The following FBXL14 variants were observed in gnomAD, a reference collection of about 807,000 sequenced individuals.
FBXL14 encodes F-box/LRR-repeat protein 14.
Under a neutral mutation model 24.5 loss-of-function variants are expected in FBXL14, and 11 were observed. The ratio of observed to expected loss-of-function variants is 0.45; its 90% CI spans 0.28 to 0.74. The LOEUF (loss-of-function observed/expected upper bound fraction) is 0.74, where lower values mean the gene tolerates loss of function less well. Among genes scored for constraint, FBXL14 ranks in the 30% least tolerant of loss-of-function variants. FBXL14 has a pLI of 0.12. For synonymous variants in FBXL14, 294 were observed against 240.4 expected (o/e 1.22, Z -2.06); for missense variants, 384 against 545.6 (o/e 0.70, Z 2.95).
Position 1,566,568 on chromosome 12 carries a change from G to T in FBXL14, c.*180C>A. ...GCAAACCACTGTCCCCAGAACTGGAGAAACCGGCAGGAGAATGCAGCTTCA... is the reference window on the plus strand; with the variant it reads ...GCAAACCACTGTCCCCAGAACTGGATAAACCGGCAGGAGAATGCAGCTTCA... On this transcript the variant is annotated 3_prime_UTR_variant, in exon 2 of 2. Transcript: ENST00000339235. The T allele has an allele frequency of 1.7e-6, 1 of 575,882 alleles. No homozygotes were observed. The highest frequency in any genetic ancestry group is 3.1e-6 in the Non-Finnish European group (1 of 321,572). 35.7% of individuals were successfully genotyped at this position (575,882 alleles called of 1,614,324 possible).
At chr12:1,583,139 A>AT (rs1467944876) in intron 1 of FBXL14, among the ~76,000 whole-genome samples, 3 of 152,100 alleles carry the variant, frequency 2.0e-5, no homozygotes, top group African/African-American at 4.8e-5. Context: ...AAATTAAAAA[A>AT]AAGATACTCC....
At position 1,585,881 on chromosome 12, in the gene FBXL14, GTATTTATAGCAT is replaced by G. The variant is rs951886573; in HGVS notation, c.1194+6980_1194+6991del. ...ACTTTATAAAAGGATTGTGTGGCAG[GTATTTATAGCAT>G]GTGAAATATGTGTGAGTTCCTAGCT... On this transcript the variant is annotated intron_variant, in intron 1 of 1. Transcript: ENST00000339235. Among the ~76,000 whole-genome samples the G allele has an allele frequency of 4.8e-4, 73 of 152,294 alleles. 1 individual carries two copies. Among genetic ancestry groups the G allele is most frequent in the African/African-American group, 1.6e-3 (68 of 41,570 alleles).
At chr12:1,575,307 G>A (rs2094453701) in intron 1 of FBXL14, among the ~76,000 whole-genome samples, 1 of 152,190 alleles carries the variant, frequency 6.6e-6, no homozygotes, top group South Asian at 2.1e-4. Flanking sequence ...AAGTATTTGT[G>A]TCTGTCTAAA....
At position 1,566,669 on chromosome 12, in the gene FBXL14, C is replaced by T; in HGVS notation, c.*79G>A. Reference sequence around the variant, plus strand: ...CAGGCAGGGAAACCTGAGCTGTCATCACCAGAGTGCCGGAGGCGCAGAGCG... The same window carrying T: ...CAGGCAGGGAAACCTGAGCTGTCATTACCAGAGTGCCGGAGGCGCAGAGCG... On this transcript the variant is annotated 3_prime_UTR_variant, in exon 2 of 2. Transcript: ENST00000339235. 1 of 771,776 alleles carries T rather than the reference C, an allele frequency of 1.3e-6. No individual in the cohort carries two copies. Among genetic ancestry groups the T allele is most frequent in the Non-Finnish European group, 2.4e-6 (1 of 412,922 alleles). 47.8% of individuals were successfully genotyped at this position (771,776 alleles called of 1,614,324 possible).
At chr12:1,587,889 CT>C (rs1326689930) in intron 1 of FBXL14, among the ~76,000 whole-genome samples, 1 of 152,198 alleles carries the variant, frequency 6.6e-6, no homozygotes, top group Non-Finnish European at 1.5e-5. Context: ...AGCCTCACCC[CT>C]CTGACTCCTC....
chr12:1,594,494 C>A lies in FBXL14; in HGVS notation c.-428G>T, dbSNP rs993415843. On this transcript the variant is annotated 5_prime_UTR_variant, in exon 1 of 2. Transcript: ENST00000339235. ...CCGCCGCCGCTGCTCCGCGGGCCGG[C>A]GGGCGGCGAGGGGGCCCCGGGGGCC... Among the ~76,000 whole-genome samples, 25 of 146,886 alleles carry A rather than the reference C, an allele frequency of 1.7e-4. No individual in the cohort carries two copies. The highest frequency in any genetic ancestry group is 3.5e-4 in the Non-Finnish European group (23 of 66,012).
At position 1,594,517 on chromosome 12, in the gene FBXL14, G is replaced by C. The variant is rs1293921536; in HGVS notation, c.-451C>G. Among the ~76,000 whole-genome samples the C allele has an allele frequency of 6.8e-6, 1 of 147,450 alleles. No individual in the cohort carries two copies. Among genetic ancestry groups the C allele is most frequent in the South Asian group, 2.1e-4 (1 of 4,806 alleles). On this transcript the variant is annotated 5_prime_UTR_variant, in exon 1 of 2. Transcript: ENST00000339235. ...GGCGGGCGGCGAGGGGGCCCCGGGG[G>C]CCGGGCGCACGGGCTCCGGGCGCGG...
At position 1,593,151 on chromosome 12, in the gene FBXL14, C is replaced by T; in HGVS notation, c.916G>A (p.Gly306Ser). 1 of 1,613,768 alleles carries T rather than the reference C, an allele frequency of 6.2e-7. No individual in the cohort carries two copies. The highest frequency in any genetic ancestry group is 8.5e-7 in the Non-Finnish European group (1 of 1,180,042). Residue 306 changes from glycine to serine, a missense_variant, in exon 1 of 2, where the codon GGC becomes AGC. Coordinates refer to ENST00000339235, the MANE Select transcript of FBXL14 (RefSeq NM_152441.3). This position sits in a 1 kb window ranked among gnomAD's most constrained non-coding sequence, Gnocchi z 7.4. ...GAGCAGAGGGAGAGAGACTTGAGGC[C>T]ATCCAGCCCCTGGGCTATGTAAGCC... ...SLAYIAQGLDGLKSLSLCSCH... is the reference protein window; with the variant it reads ...SLAYIAQGLDSLKSLSLCSCH...
At chr12:1,571,200 TTTTG>T (rs980968141) in intron 1 of FBXL14, among the ~76,000 whole-genome samples, 4 of 137,028 alleles carry the variant, frequency 2.9e-5, no homozygotes. Flanking sequence ...GTGGGGTTTT[TTTTG>T]TTTGTTTGTT....
intron 1 of FBXL14, chr12:1,574,826 G>T (rs1268369575): frequency 6.6e-6 from 1 of 152,608 alleles, no homozygotes; most frequent in Non-Finnish European, 1.5e-5. Context: ...TGTCCTGAGG[G>T]TCATTTCAGT....
rs953914041 is a variant in FBXL14 at position 1,577,342 on chromosome 12, G to T, written c.1195-10532C>A. ...GGATGTAGCCCCTCCTCGGGGGAGG[G>T]CAGTGGGGTCAGGTGAAGATTCAAG... is the stretch of plus-strand genomic sequence containing the variant. On this transcript the variant is annotated intron_variant, in intron 1 of 1. Coordinates refer to ENST00000339235, the MANE Select transcript of FBXL14 (RefSeq NM_152441.3). Among the ~76,000 whole-genome samples, 4 of 152,036 alleles carry T rather than the reference G, an allele frequency of 2.6e-5. No homozygotes were observed. In the South Asian group the frequency reaches 8.3e-4, roughly 32 times the overall value.
chr12:1,582,628 G>A (rs1197865616), intron 1 of FBXL14, among the ~76,000 whole-genome samples: 1 of 152,184 alleles, frequency 6.6e-6, no homozygotes, highest in Non-Finnish European at 1.5e-5. Context: ...AGGAATGAAT[G>A]TAATTTGCCT....
chr12:1,585,323 G>A lies in FBXL14; in HGVS notation c.1194+7550C>T, dbSNP rs532619150. Among the ~76,000 whole-genome samples, 225 of 152,174 alleles carry A rather than the reference G, an allele frequency of 1.5e-3. 1 individual carries two copies. The highest frequency in any genetic ancestry group is 5.3e-3 in the African/African-American group (222 of 41,502). On this transcript the variant is annotated intron_variant, in intron 1 of 1. Transcript: ENST00000339235. The stretch of plus-strand genomic sequence containing the variant: ...TGAGCCAGGAGAATGGCGTGAACCC[G>A]GGAGGCAGAGCTTGCAGTGAGCCAA...
intron 1 of FBXL14, among the ~76,000 whole-genome samples, chr12:1,590,190 A>AGAGATCC (rs2094486314): frequency 2.0e-5 from 3 of 150,402 alleles, no homozygotes; most frequent in African/African-American, 7.3e-5. Flanking sequence ...GTGGGAAGAA[A>AGAGATCC]GAGATCCACA....
intron 1 of FBXL14, chr12:1,574,713 G>C (rs954745876): frequency 1.2e-5 from 2 of 167,452 alleles, no homozygotes; most frequent in Non-Finnish European, 1.3e-5. Flanking sequence ...GTCCTGCCTC[G>C]TGCCTGCTTG....
rs528121112 is a variant in FBXL14 at position 1,569,630 on chromosome 12, GA to G, written c.1195-2821del. On this transcript the variant is annotated intron_variant, in intron 1 of 1. Coordinates refer to ENST00000339235, the MANE Select transcript of FBXL14 (RefSeq NM_152441.3). This position sits in a 1 kb window ranked among gnomAD's most constrained non-coding sequence, Gnocchi z 4.2. The stretch of plus-strand genomic sequence containing the variant: ...TTAGCCAGGATGGTCTCGATCTCCT[GA>G]ACTTGTGATCCGCCCGCCTCGGCCT... Among the ~76,000 whole-genome samples, 47 of 152,330 alleles carry G rather than the reference GA, an allele frequency of 3.1e-4. 1 individual carries two copies. In the South Asian group the frequency reaches 9.1e-3, roughly 30 times the overall value.
intron 1 of FBXL14, among the ~76,000 whole-genome samples, chr12:1,573,866 G>A (rs111396073): frequency 4.6e-4 from 70 of 152,154 alleles, no homozygotes; most frequent in Non-Finnish European, 8.8e-4. Flanking sequence ...TTAGCTGGGC[G>A]TGGTGGCGCA....
intron 1 of FBXL14, among the ~76,000 whole-genome samples, chr12:1,581,098 C>T (rs2094465393): frequency 6.6e-6 from 1 of 152,162 alleles, no homozygotes. Context: ...CCTGGAATCC[C>T]CCACCCACAA....
intron 1 of FBXL14, among the ~76,000 whole-genome samples, chr12:1,584,774 A>G (rs529675126): frequency 6.6e-6 from 1 of 152,352 alleles, no homozygotes; most frequent in East Asian, 1.9e-4. Context: ...TGTCACTTTC[A>G]TCTTGTCATT....
Sources: gnomAD v4.1 joint callset for allele counts (sites outside exome capture counted in the v4.1 genomes callset) on GRCh38, gnomAD v4.1.1 for gene constraint, Gnocchi (gnomAD v3.1) non-coding constraint, MANE v1.5 for transcripts, NCBI Gene and HGNC (gene_info 2026-07-23, HGNC 2026-07-21) for gene names.